The following CFAP77 variants were observed in gnomAD, a reference collection of about 807,000 sequenced individuals.
CFAP77 encodes cilia- and flagella-associated protein 77.
Under a neutral mutation model 31.1 loss-of-function variants are expected in CFAP77, and 25 were observed. The ratio of observed to expected loss-of-function variants is 0.80; its 90% CI spans 0.59 to 1.12. CFAP77 has a LOEUF of 1.12. Ranked by LOEUF, CFAP77 falls within the 50% of genes most tolerant of loss-of-function variation. CFAP77 has a pLI of 0.00. For synonymous variants in CFAP77, 151 were observed against 159.9 expected, an observed-to-expected ratio of 0.94 and a Z score of 0.42; for missense variants, 377 against 397.3, an observed-to-expected ratio of 0.95 and a Z score of 0.44.
At position 132,537,622 on chromosome 9, in the gene CFAP77, T is replaced by C; in HGVS notation, c.546T>C (p.Asp182=). Residue 182 remains aspartate, a synonymous_variant, in exon 4 of 6, where the codon GAT becomes GAC. Transcript: ENST00000393216. ...CCAGGCCTTCCACACCCTTCTTTGATCTGCTGCAGCACCGGTACCTGCAGC... is the reference window on the plus strand; with the variant it reads ...CCAGGCCTTCCACACCCTTCTTTGACCTGCTGCAGCACCGGTACCTGCAGC... The part of the protein sequence containing the change: ...IRARPSTPFF[D]LLQHRYLQLW... The C allele has an allele frequency of 6.2e-7, 1 of 1,612,866 alleles. No homozygotes were observed. The highest frequency in any genetic ancestry group is 8.5e-7 in the Non-Finnish European group (1 of 1,179,414).
intron 5 of CFAP77, among the ~76,000 whole-genome samples, chr9:132,567,754 A>G (rs567800546): frequency 2.0e-5 from 3 of 152,270 alleles, no homozygotes; most frequent in Non-Finnish European, 2.9e-5. Context: ...CTCTAGGGAC[A>G]ATCCTCCCTG....
intron 1 of CFAP77, among the ~76,000 whole-genome samples, chr9:132,474,584 G>C (rs528482111): frequency 3.9e-5 from 6 of 152,160 alleles, no homozygotes; most frequent in African/African-American, 4.8e-5. Context: ...TAGGACCAGG[G>C]GGGGAATGCA....
chr9:132,532,431 T>G (rs1852469241), intron 3 of CFAP77, among the ~76,000 whole-genome samples: 1 of 152,238 alleles, frequency 6.6e-6, no homozygotes, highest in East Asian at 1.9e-4. Flanking sequence ...GGGGAACTTT[T>G]ACTCAGCGCC....
At chr9:132,416,914 G>A (rs1589837399) in intron 1 of CFAP77, among the ~76,000 whole-genome samples, 1 of 152,272 alleles carries the variant, frequency 6.6e-6, no homozygotes, top group South Asian at 2.1e-4. Flanking sequence ...TGGGATTACA[G>A]GTGTGAGCCA....
chr9:132,468,449 G>A (rs1482460986), intron 1 of CFAP77, among the ~76,000 whole-genome samples: 1 of 151,992 alleles, frequency 6.6e-6, no homozygotes, highest in African/African-American at 2.4e-5. Flanking sequence ...GCTTTCTCTG[G>A]AATAGGGAAC....
rs528566463 is a variant in CFAP77, at chr9:132,430,428, T to C, written c.195+19962T>C. Among the ~76,000 whole-genome samples, 5 of 152,274 alleles carry C rather than the reference T, an allele frequency of 3.3e-5. 1 individual carries two copies. Among genetic ancestry groups the C allele is most frequent in the South Asian group, 2.1e-4 (1 of 4,824 alleles). On this transcript the variant is annotated intron_variant, in intron 1 of 5. Coordinates refer to ENST00000393216, the MANE Select transcript of CFAP77 (RefSeq NM_001282957.2). ...AACATTCCAAATCATAGCCTTAAGA[T>C]AGTTACATTTATCCCCTACAAAAAG...
Position 132,438,541 on chromosome 9 carries a change from A to ATATATATATATATGTATTTT in CFAP77, c.195+28076_195+28077insATATATATATATGTATTTTT. The stretch of plus-strand genomic sequence containing the variant: ...ATGGTATATATATATATATATATAT[A>ATATATATATATATGTATTTT]TTTTTTTTTTTTTTTTTAGACAGGG... On this transcript the variant is annotated intron_variant, in intron 1 of 5. Transcript: ENST00000393216. 2.9e-4 allele frequency among the ~76,000 whole-genome samples: 31 copies of ATATATATATATATGTATTTT among 108,126 alleles called. 1 individual carries two copies. Among genetic ancestry groups the ATATATATATATATGTATTTT allele is most frequent in the African/African-American group, 1.3e-3 (31 of 24,570 alleles). 70.9% of individuals were successfully genotyped at this position (108,126 alleles called of 152,430 possible).
chr9:132,542,896 C>T, intron 4 of CFAP77, 50 bp from the exon 5 acceptor site: 2 of 1,453,968 alleles, frequency 1.4e-6, no homozygotes, highest in Non-Finnish European at 1.9e-6. Context: ...GCACGGCCTT[C>T]TCCAAGTAGC....
At chr9:132,560,784 G>A (rs1388321997) in intron 5 of CFAP77, among the ~76,000 whole-genome samples, 4 of 152,082 alleles carry the variant, frequency 2.6e-5, no homozygotes, top group East Asian at 1.9e-4. Flanking sequence ...CCTCAAGGTC[G>A]CTGCTCCTCC....
At position 132,420,710 on chromosome 9, in the gene CFAP77, A is replaced by T. The variant is rs901002135; in HGVS notation, c.195+10244A>T. On this transcript the variant is annotated intron_variant, in intron 1 of 5. Coordinates refer to ENST00000393216, the MANE Select transcript of CFAP77 (RefSeq NM_001282957.2). ...AACAGAACAATAACTCTATGATTCT[A>T]TGCATTCATTCACTCACTTCTTTAA... Among the ~76,000 whole-genome samples, 14 of 152,050 alleles carry T rather than the reference A, an allele frequency of 9.2e-5. 1 individual carries two copies. The highest frequency in any genetic ancestry group is 6.6e-4 in the Admixed American group (10 of 15,250).
At position 132,425,685 on chromosome 9, in the gene CFAP77, T is replaced by C. The variant is rs562883408; in HGVS notation, c.195+15219T>C. Reference sequence around the variant, plus strand: ...CCTCTAAGAGAGCAGAAATGTAATTTTGAGCTGATAAACAGCTAACGGCCT... The same window carrying C: ...CCTCTAAGAGAGCAGAAATGTAATTCTGAGCTGATAAACAGCTAACGGCCT... On this transcript the variant is annotated intron_variant, in intron 1 of 5. Coordinates refer to ENST00000393216, the MANE Select transcript of CFAP77 (RefSeq NM_001282957.2). Among the ~76,000 whole-genome samples the C allele has an allele frequency of 7.9e-5, 12 of 152,286 alleles. No individual in the cohort carries two copies. The East Asian group carries it at 2.3e-3, about 29-fold the overall frequency.
At chr9:132,542,158 C>G (rs1192928583) in intron 4 of CFAP77, among the ~76,000 whole-genome samples, 1 of 152,204 alleles carries the variant, frequency 6.6e-6, no homozygotes, top group Non-Finnish European at 1.5e-5. Context: ...GGCCTCTGTC[C>G]CCAGTACTCC....
intron 3 of CFAP77, among the ~76,000 whole-genome samples, chr9:132,502,262 TATA>T (rs201790969): frequency 0.18 from 18,885 of 104,294 alleles, 1,363 homozygotes; most frequent in East Asian, 0.31. Context: ...TATATATATA[TATA>T]TTTTTTTTTT....
At chr9:132,432,806 C>T (rs956291942) in intron 1 of CFAP77, among the ~76,000 whole-genome samples, 16 of 152,226 alleles carry the variant, frequency 1.1e-4, no homozygotes, top group African/African-American at 1.9e-4. Flanking sequence ...CTCTGCCTCC[C>T]GGGTTCACGC....
At chr9:132,459,882 A>ATGTGGGTGTGAGTGTGTTAGTG (rs1851018960) in intron 1 of CFAP77, among the ~76,000 whole-genome samples, 1 of 149,874 alleles carries the variant, frequency 6.7e-6, no homozygotes, top group Admixed American at 6.7e-5. Flanking sequence ...GTGTGAGTGT[A>ATGTGGGTGTGAGTGTGTTAGTG]TGTGGGTGTG....
intron 1 of CFAP77, among the ~76,000 whole-genome samples, chr9:132,437,819 C>T (rs1850536960): frequency 6.6e-6 from 1 of 150,984 alleles, no homozygotes; most frequent in Non-Finnish European, 1.5e-5. Flanking sequence ...CCCACTTTTG[C>T]ATTTTAGAGA....
chr9:132,498,122 A>G lies in CFAP77; in HGVS notation c.196-573A>G, dbSNP rs1174659754. On this transcript the variant is annotated intron_variant, in intron 1 of 5. Coordinates refer to ENST00000393216, the MANE Select transcript of CFAP77 (RefSeq NM_001282957.2). This position sits in a 1 kb window ranked among gnomAD's most constrained non-coding sequence, Gnocchi z 4.2. ...TCTGAGAGGCCAAGGAGTTCCCTAGAGTCCCAGGGAGTAAGGACATCTGGC... is the reference window on the plus strand; with the variant it reads ...TCTGAGAGGCCAAGGAGTTCCCTAGGGTCCCAGGGAGTAAGGACATCTGGC... 6.6e-6 allele frequency among the ~76,000 whole-genome samples: 1 copy of G among 152,136 alleles called. No homozygotes were observed. Among genetic ancestry groups the G allele is most frequent in the African/African-American group, 2.4e-5 (1 of 41,428 alleles).
intron 1 of CFAP77, among the ~76,000 whole-genome samples, chr9:132,437,107 T>A (rs1850516057): frequency 6.6e-6 from 1 of 152,192 alleles, no homozygotes. Flanking sequence ...CATGTGCATG[T>A]AATACTATTC....
At chr9:132,417,364 C>T (rs1055671670) in intron 1 of CFAP77, among the ~76,000 whole-genome samples, 1 of 152,202 alleles carries the variant, frequency 6.6e-6, no homozygotes, top group Admixed American at 6.5e-5. Flanking sequence ...CCGCCCACCT[C>T]GGCCTCCCAA....
Sources: gnomAD v4.1 joint callset for allele counts (sites outside exome capture counted in the v4.1 genomes callset) on GRCh38, gnomAD v4.1.1 for gene constraint, Gnocchi (gnomAD v3.1) non-coding constraint, MANE v1.5 for transcripts, NCBI Gene and HGNC (gene_info 2026-07-23, HGNC 2026-07-21) for gene names.